Variants in JARID2 observed in about 807,000 individuals in gnomAD.
The protein encoded by JARID2 is jumonji and AT-rich interaction domain containing 2.
A neutral mutation model predicts 125.6 loss-of-function variants in JARID2; 21 were observed. That is an observed-to-expected ratio of 0.17 (90% confidence interval 0.12 to 0.24). The LOEUF (loss-of-function observed/expected upper bound fraction) is 0.24, where lower values mean the gene tolerates loss of function less well. Among genes scored for constraint, JARID2 ranks in the 10% least tolerant of loss-of-function variants. The pLI, the probability that JARID2 is intolerant of heterozygous loss-of-function variation, is 1.00. For synonymous variants in JARID2, 736 were observed against 661.6 expected (o/e 1.11, Z -1.73); for missense variants, 1,303 against 1,639.6 (o/e 0.79, Z 3.55).
intron 2 of JARID2, among the ~76,000 whole-genome samples, chr6:15,396,299 T>C (rs899151266): frequency 2.6e-5 from 4 of 152,218 alleles, no homozygotes; most frequent in African/African-American, 9.6e-5. Flanking sequence ...CACAAACCCT[T>C]TTACTTGTGT....
At chr6:15,280,855 C>T (rs541476119) in intron 1 of JARID2, among the ~76,000 whole-genome samples, 209 of 152,256 alleles carry the variant, frequency 1.4e-3, no homozygotes, top group African/African-American at 4.8e-3. Flanking sequence ...TCTTGAATTC[C>T]TGACCTCAGG....
intron 2 of JARID2, among the ~76,000 whole-genome samples, chr6:15,399,435 A>G (rs1438883401): frequency 6.6e-6 from 1 of 152,148 alleles, no homozygotes; most frequent in East Asian, 1.9e-4. Flanking sequence ...TTATGATTTT[A>G]AAGTGGTGGA....
At chr6:15,420,320 T>C (rs1766426491) in intron 3 of JARID2, among the ~76,000 whole-genome samples, 1 of 151,610 alleles carries the variant, frequency 6.6e-6, no homozygotes, top group South Asian at 2.1e-4. Flanking sequence ...GGAGAATTGC[T>C]TGAACCCAGG....
chr6:15,309,021 C>T (rs12210592), intron 1 of JARID2, among the ~76,000 whole-genome samples: 5,544 of 152,270 alleles, frequency 0.036, 153 homozygotes, highest in South Asian at 0.11. Flanking sequence ...AATATCTTTC[C>T]CCTGTCAGGA....
rs575918603 is a variant in JARID2, at chr6:15,471,140, G to A, written c.670+2422G>A. 3.9e-3 allele frequency among the ~76,000 whole-genome samples: 594 copies of A among 152,318 alleles called. 4 individuals carry two copies. Among genetic ancestry groups the A allele is most frequent in the Middle Eastern group, 0.02 (6 of 294 alleles). ...AGGGGCCTGCAGAGGCGGGGGTGAA[G>A]GTAATTGAATAGGAATTAGGAATGG... On this transcript the variant is annotated intron_variant, in intron 5 of 17. Coordinates refer to ENST00000341776, the MANE Select transcript of JARID2 (RefSeq NM_004973.4).
intron 1 of JARID2, among the ~76,000 whole-genome samples, chr6:15,260,677 A>G (rs1759839069): frequency 6.6e-6 from 1 of 152,210 alleles, no homozygotes; most frequent in Non-Finnish European, 1.5e-5. Flanking sequence ...AAGGAGTGCA[A>G]TACTGCACGC....
intron 2 of JARID2, among the ~76,000 whole-genome samples, chr6:15,405,874 G>A (rs888531389): frequency 1.3e-5 from 2 of 152,218 alleles, no homozygotes; most frequent in Non-Finnish European, 2.9e-5. Context: ...CCATCTTGCT[G>A]ACCTGGCCCT....
At chr6:15,280,195 A>G (rs1327640153) in intron 1 of JARID2, among the ~76,000 whole-genome samples, 1 of 152,186 alleles carries the variant, frequency 6.6e-6, no homozygotes, top group East Asian at 1.9e-4. Flanking sequence ...GCAGCACTTC[A>G]GTAGTAATAA....
At chr6:15,396,527 A>C (rs1398189313) in intron 2 of JARID2, among the ~76,000 whole-genome samples, 1 of 152,178 alleles carries the variant, frequency 6.6e-6, no homozygotes, top group Non-Finnish European at 1.5e-5. Context: ...TCCATGGGTG[A>C]TACATTTCAA....
rs1288543219 is a variant in JARID2, at chr6:15,246,437, CCAA to C, written c.-96_-94del. 3.0e-5 allele frequency: 28 copies of C among 939,892 alleles called. No individual in the cohort carries two copies. Among genetic ancestry groups the C allele is most frequent in the Admixed American group, 2.5e-4 (13 of 52,136 alleles). 58.2% of individuals were successfully genotyped at this position (939,892 alleles called of 1,614,324 possible). ...AGTCGGATTACAAGATCAACCACCA[CCAA>C]CAACAATAAAAACCACCAGGATATT... On this transcript the variant is annotated 5_prime_UTR_variant, in exon 1 of 18. Transcript: ENST00000341776.
chr6:15,352,465 A>G (rs1304132558), intron 1 of JARID2, among the ~76,000 whole-genome samples: 4 of 152,200 alleles, frequency 2.6e-5, no homozygotes, highest in Non-Finnish European at 5.9e-5. Context: ...CCACATGACC[A>G]CATGATCCAG....
chr6:15,464,253 A>T (rs1350678182), intron 4 of JARID2, among the ~76,000 whole-genome samples: 5 of 152,188 alleles, frequency 3.3e-5, no homozygotes, highest in Non-Finnish European at 7.3e-5. Flanking sequence ...CTGTGATTTT[A>T]CAAGTGGACA....
intron 1 of JARID2, among the ~76,000 whole-genome samples, chr6:15,267,855 A>AG (rs1485511978): frequency 6.6e-6 from 1 of 152,120 alleles, no homozygotes; most frequent in Non-Finnish European, 1.5e-5. Context: ...TGGGGCCCTG[A>AG]GAAAAAACTG....
chr6:15,339,314 A>C (rs1338136520), intron 1 of JARID2, among the ~76,000 whole-genome samples: 1 of 152,128 alleles, frequency 6.6e-6, no homozygotes, highest in African/African-American at 2.4e-5. Context: ...CAGCCAAGGG[A>C]CAGCTAATCC....
chr6:15,451,282 G>GTT (rs1767909976), intron 3 of JARID2, among the ~76,000 whole-genome samples: 1 of 152,248 alleles, frequency 6.6e-6, no homozygotes, highest in South Asian at 2.1e-4. Flanking sequence ...AAGTTAGGGA[G>GTT]TTAGCATAGG....
chr6:15,498,005 CCT>C (rs1770548773), intron 7 of JARID2, among the ~76,000 whole-genome samples: 1 of 152,160 alleles, frequency 6.6e-6, no homozygotes, highest in South Asian at 2.1e-4. Flanking sequence ...ATCCTACTGA[CCT>C]CTTTCTAACA....
At chr6:15,392,985 A>G (rs911507563) in intron 2 of JARID2, among the ~76,000 whole-genome samples, 5 of 152,158 alleles carry the variant, frequency 3.3e-5, no homozygotes, top group African/African-American at 9.7e-5. Context: ...ATGCCTGGCC[A>G]AGAGACTGAA....
At chr6:15,313,161 T>A (rs1388806757) in intron 1 of JARID2, among the ~76,000 whole-genome samples, 1 of 152,158 alleles carries the variant, frequency 6.6e-6, no homozygotes, top group East Asian at 1.9e-4. Context: ...TGCTTCCTGA[T>A]CTCCTTTTGA....
intron 1 of JARID2, among the ~76,000 whole-genome samples, chr6:15,268,546 G>A (rs148496569): frequency 2.0e-5 from 3 of 152,286 alleles, no homozygotes; most frequent in Non-Finnish European, 4.4e-5. Context: ...TGGAAAGGAC[G>A]GTGGCTTTGG....
Sources: allele counts gnomAD v4.1 joint callset (sites outside exome capture counted in the v4.1 genomes callset), GRCh38; gene constraint gnomAD v4.1.1; transcripts MANE v1.5; gene names NCBI Gene and HGNC (gene_info 2026-07-23, HGNC 2026-07-21).